The following TTC13 variants were observed in gnomAD, a reference collection of about 807,000 sequenced individuals.
TTC13 encodes the protein tetratricopeptide repeat domain 13, also known as tetratricopeptide repeat protein 13.
Under a neutral mutation model 120.0 loss-of-function variants are expected in TTC13, and 62 were observed. The ratio of observed to expected loss-of-function variants is 0.52; its 90% confidence interval spans 0.42 to 0.64. The LOEUF (loss-of-function observed/expected upper bound fraction) is 0.64, where lower values mean the gene tolerates loss of function less well. Among genes scored for constraint, TTC13 ranks in the 30% least tolerant of loss-of-function variants. TTC13 has a pLI of 0.00. For synonymous variants in TTC13, 384 were observed against 393.5 expected (o/e 0.98, Z 0.28); for missense variants, 824 against 1,050.2 (o/e 0.78, Z 2.98).
intron 12 of TTC13, among the ~76,000 whole-genome samples, chr1:230,927,326 T>A (rs1172361492): frequency 6.6e-6 from 1 of 152,192 alleles, no homozygotes; most frequent in Non-Finnish European, 1.5e-5. Context: ...AAAGTGGTTG[T>A]AGCAACTTAT....
intron 8 of TTC13, among the ~76,000 whole-genome samples, chr1:230,934,472 C>G (rs1188922593): frequency 5.3e-5 from 8 of 152,180 alleles, no homozygotes; most frequent in African/African-American, 1.9e-4. Context: ...AAGTCTGTGG[C>G]TAAGAAAGTG....
At chr1:230,924,707 TAG>T (rs1672900825) in intron 14 of TTC13, 132 bp downstream of exon 14, 2 of 943,002 alleles carry the variant, frequency 2.1e-6, no homozygotes, top group African/African-American at 1.6e-5. Context: ...TAACAAACTT[TAG>T]AGAGGAAAAC....
intron 16 of TTC13, 114 bp from the exon 17 acceptor site, chr1:230,920,708 T>C: frequency 1.7e-6 from 1 of 576,338 alleles, no homozygotes; most frequent in Non-Finnish European, 2.8e-6. Flanking sequence ...TAGCTAAACA[T>C]TCAAAATGGT....
chr1:230,962,459 T>C (rs1395337840), intron 1 of TTC13, among the ~76,000 whole-genome samples: 1 of 152,024 alleles, frequency 6.6e-6, no homozygotes, highest in Non-Finnish European at 1.5e-5. Context: ...CAACAAGCAG[T>C]AGCAAGAATG....
intron 21 of TTC13, 36 bp from the exon 22 acceptor site, chr1:230,908,827 A>T: frequency 1.2e-6 from 2 of 1,608,466 alleles, no homozygotes; most frequent in Non-Finnish European, 1.7e-6. Context: ...GTTACTAAAC[A>T]TGGAGGACAC....
chr1:230,916,503 A>G (rs1333241276), intron 17 of TTC13, among the ~76,000 whole-genome samples: 1 of 152,098 alleles, frequency 6.6e-6, no homozygotes, highest in African/African-American at 2.4e-5. Context: ...CGCTCCCCAC[A>G]GCTCCTACCA....
chr1:230,933,012 G>T (rs192930432), intron 9 of TTC13, among the ~76,000 whole-genome samples: 1 of 151,866 alleles, frequency 6.6e-6, no homozygotes, highest in Non-Finnish European at 1.5e-5. Flanking sequence ...TCGCTCTGTC[G>T]CCCAAGCTGG....
chr1:230,906,894 C>A lies in TTC13; in HGVS notation c.*11G>T. On this transcript the variant is annotated 3_prime_UTR_variant, in exon 23 of 23. Transcript: ENST00000366661. ...GTCCGGCCCTTTACTTGTATAAATACAGCAGCAGAACTAGAGTTTCTTAAG... is the reference window on the plus strand; with the variant it reads ...GTCCGGCCCTTTACTTGTATAAATAAAGCAGCAGAACTAGAGTTTCTTAAG... The A allele has an allele frequency of 7.3e-7, 1 of 1,376,328 alleles. No homozygotes were observed. Among genetic ancestry groups the A allele is most frequent in the Non-Finnish European group, 9.7e-7 (1 of 1,028,010 alleles). The allele number at this position is 1,376,328 out of a possible 1,614,324, so 85.3% of individuals were successfully genotyped here.
chr1:230,949,796 C>CA (rs1165424618), intron 4 of TTC13, among the ~76,000 whole-genome samples: 1 of 152,184 alleles, frequency 6.6e-6, no homozygotes, highest in African/African-American at 2.4e-5. Context: ...CAGGCGCCAG[C>CA]CACCATGCCC....
chr1:230,930,394 C>CT (rs1184838308), intron 11 of TTC13, among the ~76,000 whole-genome samples: 1 of 151,882 alleles, frequency 6.6e-6, no homozygotes, highest in Admixed American at 6.6e-5. Context: ...CAGCTTTCCC[C>CT]TTTTTTTTAT....
At chr1:230,920,237 A>T in intron 17 of TTC13, 1 of 249,604 alleles carries the variant, frequency 4.0e-6, no homozygotes, top group Non-Finnish European at 7.7e-6. Context: ...GTAGAAGGGC[A>T]GCTGAGTACC....
chr1:230,927,734 G>A (rs1273748562), intron 12 of TTC13, among the ~76,000 whole-genome samples: 1 of 152,070 alleles, frequency 6.6e-6, no homozygotes, highest in East Asian at 1.9e-4. Flanking sequence ...TCAGATCTAT[G>A]CTTTGTGCTT....
In TTC13 at chr1:230,978,461, G is replaced by T; in HGVS notation, c.271+99C>A. The T allele has an allele frequency of 3.1e-6, 1 of 317,864 alleles. No individual in the cohort carries two copies. The highest frequency in any genetic ancestry group is 5.6e-6 in the Non-Finnish European group (1 of 179,038). 19.7% of individuals were successfully genotyped at this position (317,864 alleles called of 1,614,324 possible). A position where few individuals can be genotyped will look rare whatever the true frequency, so the allele number is the denominator to read the frequency against. On this transcript the variant is annotated intron_variant, in intron 1 of 22. Transcript: ENST00000366661. The surrounding 1 kb of genome is among the most constrained non-coding windows in gnomAD (Gnocchi z 5.6). ...CTCCCGCGGATCGCGCGCCGCAGCC[G>T]GAGGCGTGAGGCCCGGGCGACCCGT... is the stretch of plus-strand genomic sequence containing the variant.
intron 2 of TTC13, 109 bp from the exon 3 acceptor site, chr1:230,958,408 A>C: frequency 8.0e-6 from 10 of 1,252,718 alleles, no homozygotes; most frequent in Non-Finnish European, 1.1e-5. Flanking sequence ...CATTTGATTT[A>C]AGTGGAAGCA....
intron 2 of TTC13, among the ~76,000 whole-genome samples, chr1:230,960,843 C>A (rs1017426913): frequency 6.6e-6 from 1 of 152,110 alleles, no homozygotes; most frequent in Non-Finnish European, 1.5e-5. Flanking sequence ...TGGAGAGGTC[C>A]ACGGTATAGT....
At chr1:230,951,986 G>A (rs984412554) in intron 4 of TTC13, among the ~76,000 whole-genome samples, 18 of 152,198 alleles carry the variant, frequency 1.2e-4, no homozygotes, top group African/African-American at 1.4e-4. Flanking sequence ...CAGAGACTGC[G>A]TGCATCAATT....
At chr1:230,911,587 G>A in intron 19 of TTC13, 38 bp from the exon 20 acceptor site, 5 of 1,354,816 alleles carry the variant, frequency 3.7e-6, no homozygotes, top group African/African-American at 1.5e-5. Flanking sequence ...ATACTATAAA[G>A]ATTACAAACT....
intron 1 of TTC13, among the ~76,000 whole-genome samples, chr1:230,973,792 G>A (rs1677992158): frequency 6.6e-6 from 1 of 152,200 alleles, no homozygotes; most frequent in Non-Finnish European, 1.5e-5. Flanking sequence ...AAGAAGAGCA[G>A]AGGGGCCGGG....
intron 1 of TTC13, among the ~76,000 whole-genome samples, chr1:230,973,713 T>C (rs1410103495): frequency 6.6e-6 from 1 of 152,236 alleles, no homozygotes; most frequent in African/African-American, 2.4e-5. Context: ...ATATACCTTA[T>C]ACTGTCTGTA....
Sources: gnomAD v4.1 joint callset for allele counts (sites outside exome capture counted in the v4.1 genomes callset) on GRCh38, gnomAD v4.1.1 for gene constraint, Gnocchi (gnomAD v3.1) non-coding constraint, MANE v1.5 for transcripts, NCBI Gene and HGNC (gene_info 2026-07-23, HGNC 2026-07-21) for gene names.